LRRC3B: variants seen among roughly 807,000 people sequenced by gnomAD.
The protein encoded by LRRC3B is leucine-rich repeat-containing protein 3B.
Under a neutral mutation model 12.8 loss-of-function variants are expected in LRRC3B, and 2 were observed. The ratio of observed to expected loss-of-function variants is 0.16; its 90% CI spans 0.06 to 0.49. The LOEUF (loss-of-function observed/expected upper bound fraction) is 0.49, where lower values mean the gene tolerates loss of function less well. Ranked by LOEUF, LRRC3B falls within the 20% of genes least tolerant of loss-of-function variation. LRRC3B has a pLI of 0.96. For synonymous variants in LRRC3B, 132 were observed against 122.0 expected (o/e 1.08, Z -0.54); for missense variants, 189 against 319.4 (o/e 0.59, Z 3.11).
At chr3:26,663,149 A>C (rs888155967) in intron 1 of LRRC3B, among the ~76,000 whole-genome samples, 1 of 152,112 alleles carries the variant, frequency 6.6e-6, no homozygotes, top group Non-Finnish European at 1.5e-5. Flanking sequence ...AAGCATTTCC[A>C]TAGGTTTCTC....
At chr3:26,671,240 C>T (rs1699720237) in intron 1 of LRRC3B, among the ~76,000 whole-genome samples, 1 of 145,296 alleles carries the variant, frequency 6.9e-6, no homozygotes, top group African/African-American at 2.6e-5. Context: ...TGGTCTCGAT[C>T]TCCTGACCTC....
intron 1 of LRRC3B, among the ~76,000 whole-genome samples, chr3:26,669,397 A>G (rs1247127790): frequency 6.6e-6 from 1 of 152,190 alleles, no homozygotes; most frequent in African/African-American, 2.4e-5. Context: ...TTCTTCCATA[A>G]TTGGATTAAC....
intron 1 of LRRC3B, among the ~76,000 whole-genome samples, chr3:26,641,079 C>T (rs1699021337): frequency 1.3e-5 from 2 of 152,170 alleles, no homozygotes; most frequent in Admixed American, 6.5e-5. Flanking sequence ...GTGAAGGAAG[C>T]TGGTGAAGAA....
intron 1 of LRRC3B, among the ~76,000 whole-genome samples, chr3:26,662,683 AAG>A (rs1368310759): frequency 6.6e-6 from 1 of 152,070 alleles, no homozygotes; most frequent in African/African-American, 2.4e-5. Context: ...AAATTTCTTG[AAG>A]AGAGTGTGGC....
exon 2 of LRRC3B, chr3:26,710,427 C>T (rs750855004): frequency 1.1e-5 from 17 of 1,611,828 alleles, no homozygotes; most frequent in Non-Finnish European, 2.5e-6. Flanking sequence ...GCAGATGAAC[C>T]TGATGATATT....
At chr3:26,671,413 G>GAGAGAGAGAGAGACAGAGAGAGAGAC (rs9331540) in intron 1 of LRRC3B, among the ~76,000 whole-genome samples, 1 of 99,388 alleles carries the variant, frequency 1.0e-5, no homozygotes, top group Non-Finnish European at 1.9e-5. Flanking sequence ...GAGAGAGAGA[G>GAGAGAGAGAGAGACAGAGAGAGAGAC]ACGAAGTCTT....
intron 1 of LRRC3B, among the ~76,000 whole-genome samples, chr3:26,655,976 C>T (rs6808839): frequency 0.81 from 122,708 of 152,134 alleles, 49,866 homozygotes; most frequent in East Asian, 1. Flanking sequence ...ATGATAGTGC[C>T]GGACTTCAGA....
At chr3:26,623,430 C>T (rs1008051392) in intron 1 of LRRC3B, among the ~76,000 whole-genome samples, 193 bp downstream of exon 1, 16 of 152,182 alleles carry the variant, frequency 1.1e-4, no homozygotes, top group Admixed American at 3.3e-4. Flanking sequence ...AGAGTCGACC[C>T]TCTTCGCTCC....
intron 1 of LRRC3B, among the ~76,000 whole-genome samples, chr3:26,629,627 A>G (rs1403898725): frequency 1.3e-5 from 2 of 152,196 alleles, no homozygotes; most frequent in Non-Finnish European, 2.9e-5. Flanking sequence ...ATCAGGGATT[A>G]TTAAGTGGAA....
At chr3:26,640,334 T>C (rs1698998164) in intron 1 of LRRC3B, among the ~76,000 whole-genome samples, 1 of 151,042 alleles carries the variant, frequency 6.6e-6, no homozygotes, top group African/African-American at 2.4e-5. Flanking sequence ...AATCAGAATA[T>C]ATGAAAGCAT....
At chr3:26,626,538 A>T (rs1277604431) in intron 1 of LRRC3B, among the ~76,000 whole-genome samples, 2 of 152,070 alleles carry the variant, frequency 1.3e-5, no homozygotes, top group Non-Finnish European at 2.9e-5. Context: ...CTGCCTTTTG[A>T]CCCTTGCTCA....
intron 1 of LRRC3B, among the ~76,000 whole-genome samples, chr3:26,636,986 T>TTCTC (rs1247729485): frequency 9.8e-5 from 12 of 121,958 alleles, no homozygotes; most frequent in African/African-American, 4.4e-4. Context: ...CTCTCTCTCT[T>TTCTC]TCTCTCTTTC....
chr3:26,690,069 C>T lies in LRRC3B; in HGVS notation c.-160-19444C>T, dbSNP rs148716929. Among the ~76,000 whole-genome samples the T allele has an allele frequency of 6.4e-4, 98 of 152,270 alleles. 1 individual carries two copies. Among genetic ancestry groups the T allele is most frequent in the African/African-American group, 2.3e-3 (96 of 41,554 alleles). Reference sequence around the variant, plus strand: ...CTCTGCACAAAGCAAAAGCCATAGGCATGGTAAAAATGTAAAACATGGGTG... The same window carrying T: ...CTCTGCACAAAGCAAAAGCCATAGGTATGGTAAAAATGTAAAACATGGGTG... On this transcript the variant is annotated intron_variant, in intron 1 of 1. Transcript: ENST00000396641.
At chr3:26,624,214 AGAATCT>A (rs925844160) in intron 1 of LRRC3B, 29 of 152,522 alleles carry the variant, frequency 1.9e-4, no homozygotes, top group African/African-American at 6.7e-4. Flanking sequence ...CCTCCCCGCG[AGAATCT>A]GAATGCGTTG....
intron 1 of LRRC3B, among the ~76,000 whole-genome samples, chr3:26,668,906 G>T (rs966237159): frequency 6.6e-6 from 1 of 152,080 alleles, no homozygotes; most frequent in African/African-American, 2.4e-5. Context: ...AGAGAGAAAG[G>T]GTTCAGTAGT....
chr3:26,640,282 C>T (rs571958920), intron 1 of LRRC3B, among the ~76,000 whole-genome samples: 1 of 152,222 alleles, frequency 6.6e-6, no homozygotes, highest in South Asian at 2.1e-4. Flanking sequence ...CACCCTGTGT[C>T]TTGTTCAATT....
intron 1 of LRRC3B, among the ~76,000 whole-genome samples, chr3:26,668,968 TC>T (rs1274556895): frequency 6.6e-6 from 1 of 152,176 alleles, no homozygotes; most frequent in Non-Finnish European, 1.5e-5. Flanking sequence ...CTTACAAGGG[TC>T]CTCAAATCCA....
At chr3:26,657,390 A>G (rs531443030) in intron 1 of LRRC3B, among the ~76,000 whole-genome samples, 1 of 152,194 alleles carries the variant, frequency 6.6e-6, no homozygotes, top group Non-Finnish European at 1.5e-5. Context: ...ATTATATTCA[A>G]TTTCAAAATT....
chr3:26,681,253 T>C (rs1444025728), intron 1 of LRRC3B, among the ~76,000 whole-genome samples: 2 of 152,220 alleles, frequency 1.3e-5, no homozygotes, highest in Non-Finnish European at 2.9e-5. Context: ...AACATAATTA[T>C]AGGTGTTGAT....
Sources: gnomAD v4.1 joint callset for allele counts (sites outside exome capture counted in the v4.1 genomes callset) on GRCh38, gnomAD v4.1.1 for gene constraint, MANE v1.5 for transcripts, NCBI Gene and HGNC (gene_info 2026-07-23, HGNC 2026-07-21) for gene names.